TANC2: variants seen among roughly 807,000 people sequenced by gnomAD.
TANC2 encodes the protein tetratricopeptide repeat, ankyrin repeat and coiled-coil containing 2, also known as protein TANC2.
TANC2 carries 26 observed loss-of-function variants against 210.5 expected under a neutral mutation model. The observed-to-expected ratio is 0.12, with a 90% CI of 0.09 to 0.17. The LOEUF (loss-of-function observed/expected upper bound fraction) is 0.17, where lower values mean the gene tolerates loss of function less well. Ranked by LOEUF, TANC2 falls within the 10% of genes least tolerant of loss-of-function variation. The probability of loss-of-function intolerance (pLI) is 1.00; values close to 1 mark genes in which losing one functional copy is unlikely to be tolerated. For synonymous variants in TANC2, 931 were observed against 967.1 expected (o/e 0.96, Z 0.69); for missense variants, 2,129 against 2,608.9 (o/e 0.82, Z 4.01).
intron 2 of TANC2, among the ~76,000 whole-genome samples, chr17:63,041,249 A>G (rs1016642427): frequency 6.6e-6 from 1 of 152,188 alleles, no homozygotes; most frequent in Non-Finnish European, 1.5e-5. Context: ...GAATAACACA[A>G]AAGAGTAATG....
Position 63,151,395 on chromosome 17 carries a change from A to G in TANC2, c.433+15A>G, listed in dbSNP as rs142170459. ...ATACTGCCCTGGTAAGCATGCATGC[A>G]AAGTGTCTGCTTTGAAAGAGGGAGG... is the stretch of plus-strand genomic sequence containing the variant. On this transcript the variant is annotated intron_variant, in intron 5 of 27. Coordinates refer to ENST00000689528, the Ensembl canonical transcript of TANC2. 6 of 978,530 alleles carry G rather than the reference A, an allele frequency of 6.1e-6. No homozygotes were observed. The East Asian group carries it at 6.8e-4, about 112-fold the overall frequency. 60.6% of individuals were successfully genotyped at this position (978,530 alleles called of 1,614,324 possible).
At chr17:63,088,918 T>A (rs2037077678) in intron 3 of TANC2, 1 of 152,222 alleles carries the variant, frequency 6.6e-6, no homozygotes, top group African/African-American at 2.4e-5. Context: ...CTATGATTTC[T>A]GTCTCCTGCA....
chr17:63,170,570 A>G (rs2040370354), intron 5 of TANC2, among the ~76,000 whole-genome samples: 1 of 152,174 alleles, frequency 6.6e-6, no homozygotes, highest in African/African-American at 2.4e-5. Context: ...TGTATTTTTA[A>G]ATTGCACACA....
chr17:63,314,641 C>T, exon 10 of TANC2: 2 of 1,613,910 alleles, frequency 1.2e-6, no homozygotes, highest in Admixed American at 1.7e-5. Context: ...GACAGATCGC[C>T]TCAGACAGCC....
At chr17:63,057,755 A>T (rs572243593) in intron 2 of TANC2, among the ~76,000 whole-genome samples, 13 of 152,302 alleles carry the variant, frequency 8.5e-5, no homozygotes, top group African/African-American at 3.1e-4. Flanking sequence ...CTTGCAAAGG[A>T]CATAATCTTG....
intron 14 of TANC2, among the ~76,000 whole-genome samples, chr17:63,365,084 A>C (rs554287343): frequency 1.1e-4 from 17 of 152,108 alleles, no homozygotes; most frequent in Non-Finnish European, 2.5e-4. Flanking sequence ...AAAGATAAGA[A>C]CCCCACAAGT....
chr17:63,009,626 G>A, exon 2 of TANC2: 1 of 1,612,072 alleles, frequency 6.2e-7, no homozygotes, highest in Non-Finnish European at 8.5e-7. Flanking sequence ...CAGGTCAAGT[G>A]GTAAGTGACT....
chr17:63,232,650 G>A (rs2042508234), intron 7 of TANC2, among the ~76,000 whole-genome samples: 2 of 152,220 alleles, frequency 1.3e-5, no homozygotes, highest in Non-Finnish European at 2.9e-5. Context: ...CCATCCCAGA[G>A]GGGCACTGAC....
At chr17:63,394,617 CT>C (rs940679926) in intron 17 of TANC2, among the ~76,000 whole-genome samples, 3 of 152,234 alleles carry the variant, frequency 2.0e-5, no homozygotes, top group Admixed American at 2.0e-4. Context: ...AGAGTTTAAA[CT>C]TCCCTTTCAT....
intron 15 of TANC2, among the ~76,000 whole-genome samples, chr17:63,383,324 A>G (rs577473917): frequency 4.8e-4 from 73 of 152,270 alleles, no homozygotes; most frequent in Non-Finnish European, 7.8e-4. Flanking sequence ...GCATAGTTTC[A>G]TTGCACTAAA....
At chr17:63,123,564 A>G (rs1185325748) in intron 4 of TANC2, among the ~76,000 whole-genome samples, 4 of 151,926 alleles carry the variant, frequency 2.6e-5, no homozygotes, top group African/African-American at 9.7e-5. Context: ...GTCTCAAAAA[A>G]AAAAAAAGAA....
intron 3 of TANC2, among the ~76,000 whole-genome samples, chr17:63,078,719 T>G (rs1259240120): frequency 6.6e-6 from 1 of 152,178 alleles, no homozygotes; most frequent in Non-Finnish European, 1.5e-5. Flanking sequence ...CTCTTATTGA[T>G]TCTTACTTAA....
chr17:63,232,660 C>A (rs1261484578), intron 7 of TANC2, among the ~76,000 whole-genome samples: 1 of 152,216 alleles, frequency 6.6e-6, no homozygotes, highest in Non-Finnish European at 1.5e-5. Context: ...GGGGCACTGA[C>A]CCGATGTCAG....
chr17:63,359,528 A>G (rs995482812), intron 14 of TANC2, among the ~76,000 whole-genome samples: 3 of 151,836 alleles, frequency 2.0e-5, no homozygotes, highest in African/African-American at 7.3e-5. Flanking sequence ...TTGTATTTTT[A>G]GTAGAGACGG....
exon 28 of TANC2, chr17:63,426,062 C>T (rs2049135463): frequency 6.6e-6 from 1 of 152,296 alleles, no homozygotes; most frequent in Admixed American, 6.5e-5. Flanking sequence ...TGCCCAGCCT[C>T]CTCTTGATGC....
At chr17:63,001,185 T>TTG (rs2033363476) in intron 1 of TANC2, among the ~76,000 whole-genome samples, 1 of 152,202 alleles carries the variant, frequency 6.6e-6, no homozygotes, top group Non-Finnish European at 1.5e-5. Context: ...TATGTGTAAA[T>TTG]AATCAGAGTT....
chr17:63,358,134 G>C (rs958256981), intron 14 of TANC2, among the ~76,000 whole-genome samples: 2 of 152,212 alleles, frequency 1.3e-5, no homozygotes, highest in Non-Finnish European at 2.9e-5. Flanking sequence ...GAGCTGAAAA[G>C]AGTCAGTAAT....
chr17:63,382,963 T>C (rs2047661223), intron 15 of TANC2, among the ~76,000 whole-genome samples: 1 of 152,248 alleles, frequency 6.6e-6, no homozygotes, highest in South Asian at 2.1e-4. Context: ...TGCAGAGTTT[T>C]TTTAAAAATA....
intron 7 of TANC2, among the ~76,000 whole-genome samples, chr17:63,218,260 C>T (rs2042075679): frequency 6.6e-6 from 1 of 151,310 alleles, no homozygotes; most frequent in Admixed American, 6.6e-5. Flanking sequence ...ACAGCAAGAC[C>T]CCATAGAGAG....
Sources: gnomAD v4.1 joint callset for allele counts (sites outside exome capture counted in the v4.1 genomes callset) on GRCh38, gnomAD v4.1.1 for gene constraint, MANE v1.5 for transcripts, NCBI Gene and HGNC (gene_info 2026-07-23, HGNC 2026-07-21) for gene names.